Variants in MICALL1 observed in about 807,000 individuals in gnomAD.
MICALL1 encodes the protein MICAL like 1.
Under a neutral mutation model 83.7 loss-of-function variants are expected in MICALL1, and 61 were observed. The observed-to-expected ratio is 0.73, with a 90% CI of 0.59 to 0.90. The LOEUF (loss-of-function observed/expected upper bound fraction) is 0.90, where lower values mean the gene tolerates loss of function less well. Ranked by LOEUF, MICALL1 falls within the 40% of genes least tolerant of loss-of-function variation. MICALL1 has a pLI of 0.00. For synonymous variants in MICALL1, 481 were observed against 473.6 expected, an observed-to-expected ratio of 1.02 and a Z score of -0.20; for missense variants, 1,066 against 1,152.0, an observed-to-expected ratio of 0.93 and a Z score of 1.08.
Position 37,911,937 on chromosome 22 carries a change from C to G in MICALL1, c.147-15C>G. On this transcript the variant is annotated splice_polypyrimidine_tract_variant and intron_variant, in intron 1 of 15. Transcript: ENST00000215957. ...CTCCCCTCTTGACCAACCCTCCTCCCTTTGCCTCTTGCAGAGATTTTGATT... is the reference window on the plus strand; with the variant it reads ...CTCCCCTCTTGACCAACCCTCCTCCGTTTGCCTCTTGCAGAGATTTTGATT... The G allele has an allele frequency of 1.2e-6, 2 of 1,614,192 alleles. No individual in the cohort carries two copies. The highest frequency in any genetic ancestry group is 1.6e-4 in the Middle Eastern group (1 of 6,062).
In MICALL1 at chr22:37,906,562, A is replaced by G; in HGVS notation, c.140A>G (p.Asp47Gly). ...FCAILHRHRP[D>G]LLDFDSLSKD... is the part of the protein sequence containing the mutation. ...GCCATCCTGCACCGGCACCGGCCCG[A>G]CCTGCTGTGAGTGCGGGGCCCCGGG... is the stretch of plus-strand genomic sequence containing the variant. The change falls in exon 1 of 16, where the codon GAC becomes GGC. Residue 47 changes from aspartate (D) to glycine (G), a missense_variant. Coordinates refer to ENST00000215957, the MANE Select transcript of MICALL1 (RefSeq NM_033386.4). The surrounding 1 kb of genome is among the most constrained non-coding windows in gnomAD (Gnocchi z 4.4). 2.6e-6 allele frequency: 3 copies of G among 1,175,066 alleles called. No homozygotes were observed. The South Asian group carries it at 1.2e-4, about 48-fold the overall frequency. 72.8% of individuals were successfully genotyped at this position (1,175,066 alleles called of 1,614,324 possible).
At chr22:37,925,600 G>C in intron 7 of MICALL1, 61 bp from the exon 8 acceptor site, 1 of 1,323,104 alleles carries the variant, frequency 7.6e-7, no homozygotes, top group Admixed American at 2.1e-5. Context: ...ACTGTCTAGA[G>C]AGAGAAGGAA....
At chr22:37,922,601 ATTTTT>A (rs1198282750) in intron 6 of MICALL1, among the ~76,000 whole-genome samples, 175 bp downstream of exon 6, 3 of 31,944 alleles carry the variant, frequency 9.4e-5, no homozygotes, top group African/African-American at 2.1e-4. Context: ...ATATATATAT[ATTTTT>A]TTTTTTTTTT....
In MICALL1 at chr22:37,906,338, C is replaced by G. The variant is rs1023393491; in HGVS notation, c.-85C>G. ...CCGAGCTCGGAGCCGCAGCCGCAGC[C>G]GGAAACCGGGCCCGCGCGGCGGCCG... On this transcript the variant is annotated 5_prime_UTR_variant, in exon 1 of 16. Transcript: ENST00000215957. The surrounding 1 kb of genome is among the most constrained non-coding windows in gnomAD (Gnocchi z 4.4). 1.9e-4 allele frequency: 180 copies of G among 958,370 alleles called. No individual in the cohort carries two copies. Among genetic ancestry groups the G allele is most frequent in the Non-Finnish European group, 2.1e-4 (171 of 803,394 alleles). 59.4% of individuals were successfully genotyped at this position (958,370 alleles called of 1,614,324 possible).
At chr22:37,913,956 A>G (rs1324602623) in intron 3 of MICALL1, among the ~76,000 whole-genome samples, 1 of 149,236 alleles carries the variant, frequency 6.7e-6, no homozygotes, top group Non-Finnish European at 1.5e-5. Context: ...GCTTACTGCA[A>G]CCTCTGCCCT....
At position 37,912,499 on chromosome 22, in the gene MICALL1, G is replaced by T; in HGVS notation, c.337+7G>T. 6.3e-7 allele frequency: 1 copy of T among 1,595,626 alleles called. No homozygotes were observed. The highest frequency in any genetic ancestry group is 8.6e-7 in the Non-Finnish European group (1 of 1,166,712). Reference sequence around the variant, plus strand: ...TTCTGCAGTCCTGGCCAAGGTGAGAGGGGGACTCAGCGTTTCACGGAGGCT... The same window carrying T: ...TTCTGCAGTCCTGGCCAAGGTGAGATGGGGACTCAGCGTTTCACGGAGGCT... On this transcript the variant is annotated splice_region_variant and intron_variant, in intron 3 of 15. Coordinates refer to ENST00000215957, the MANE Select transcript of MICALL1 (RefSeq NM_033386.4).
At chr22:37,908,660 G>C (rs1928119627) in intron 1 of MICALL1, among the ~76,000 whole-genome samples, 1 of 152,092 alleles carries the variant, frequency 6.6e-6, no homozygotes, top group Admixed American at 6.5e-5. Flanking sequence ...ATATTGCTCT[G>C]TGCTGGACAC....
At chr22:37,919,249 G>A in intron 5 of MICALL1, 71 bp downstream of exon 5, 5 of 1,411,536 alleles carry the variant, frequency 3.5e-6, no homozygotes, top group Non-Finnish European at 4.7e-6. Context: ...CACACACAGT[G>A]CGCCAGGCAC....
At chr22:37,926,095 C>G (rs939225149) in intron 8 of MICALL1, 52 bp downstream of exon 8, 3 of 1,525,268 alleles carry the variant, frequency 2.0e-6, no homozygotes, top group African/African-American at 2.8e-5. Flanking sequence ...GGGGTGGGGC[C>G]CGGGCCTGGG....
chr22:37,915,229 GC>G (rs1928602610), intron 3 of MICALL1, among the ~76,000 whole-genome samples: 1 of 152,100 alleles, frequency 6.6e-6, no homozygotes, highest in South Asian at 2.1e-4. Flanking sequence ...TGCAGCCTGG[GC>G]AACAGAGCGA....
chr22:37,938,713 CCAAGTTCA>C (rs1205948349), intron 15 of MICALL1, among the ~76,000 whole-genome samples: 6 of 151,616 alleles, frequency 4.0e-5, no homozygotes, highest in Non-Finnish European at 8.8e-5. Flanking sequence ...CCTCCGCCTC[CCAAGTTCA>C]AGCAATTCTG....
At chr22:37,927,268 C>A in intron 8 of MICALL1, 143 bp from the exon 9 acceptor site, 1 of 1,000,102 alleles carries the variant, frequency 1.0e-6, no homozygotes, top group African/African-American at 1.6e-5. Context: ...GTTTGCTGTT[C>A]CCTGGGCCTT....
At chr22:37,913,530 G>A (rs944062546) in intron 3 of MICALL1, among the ~76,000 whole-genome samples, 7 of 152,230 alleles carry the variant, frequency 4.6e-5, no homozygotes, top group Non-Finnish European at 1.0e-4. Context: ...TGAGGCTGCT[G>A]TGCTGTCTTC....
intron 1 of MICALL1, among the ~76,000 whole-genome samples, chr22:37,910,993 A>G (rs1928284608): frequency 6.6e-6 from 1 of 152,222 alleles, no homozygotes; most frequent in Non-Finnish European, 1.5e-5. Context: ...TTTCAGCCAT[A>G]GAAGGGCAAG....
Position 37,906,602 on chromosome 22 carries a change from G to C in MICALL1, c.146+34G>C. 2 of 1,152,670 alleles carry C rather than the reference G, an allele frequency of 1.7e-6. No homozygotes were observed. The highest frequency in any genetic ancestry group is 9.6e-5 in the Admixed American group (2 of 20,848). 71.4% of individuals were successfully genotyped at this position (1,152,670 alleles called of 1,614,324 possible). On this transcript the variant is annotated intron_variant, in intron 1 of 15. Transcript: ENST00000215957. This position sits in a 1 kb window ranked among gnomAD's most constrained non-coding sequence, Gnocchi z 4.4. ...GGGGCCCCGGGCGAGCGGGCGGCGC[G>C]GGGCGGGCTGGGGCCGCGACCGCCG...
intron 13 of MICALL1, among the ~76,000 whole-genome samples, chr22:37,935,097 T>G (rs1384060843): frequency 6.8e-6 from 1 of 147,720 alleles, no homozygotes; most frequent in African/African-American, 2.5e-5. Flanking sequence ...CCCGCCCGGC[T>G]AATTGTTTGT....
chr22:37,936,388 C>T (rs1462004388), intron 13 of MICALL1, among the ~76,000 whole-genome samples: 1 of 152,220 alleles, frequency 6.6e-6, no homozygotes, highest in African/African-American at 2.4e-5. Flanking sequence ...GCCCCTGCCC[C>T]ACTCTGTCCC....
At chr22:37,907,804 ATG>A (rs1928060624) in intron 1 of MICALL1, among the ~76,000 whole-genome samples, 1 of 152,170 alleles carries the variant, frequency 6.6e-6, no homozygotes, top group Non-Finnish European at 1.5e-5. Flanking sequence ...AGGGAACAAG[ATG>A]AGGTGGTCAT....
rs1927931131 is a variant in MICALL1 at position 37,906,310 on chromosome 22, C to A, written c.-113C>A. ...GCCCCTCCCCTCGCCTGCCGGTCGG[C>A]GCCCGAGCTCGGAGCCGCAGCCGCA... On this transcript the variant is annotated 5_prime_UTR_variant, in exon 1 of 16. Coordinates refer to ENST00000215957, the MANE Select transcript of MICALL1 (RefSeq NM_033386.4). The surrounding 1 kb of genome is among the most constrained non-coding windows in gnomAD (Gnocchi z 4.4). 3 of 801,166 alleles carry A rather than the reference C, an allele frequency of 3.7e-6. No individual in the cohort carries two copies. The highest frequency in any genetic ancestry group is 4.5e-6 in the Non-Finnish European group (3 of 662,540). 49.6% of individuals were successfully genotyped at this position (801,166 alleles called of 1,614,324 possible).
Sources: allele counts gnomAD v4.1 joint callset (sites outside exome capture counted in the v4.1 genomes callset), GRCh38; gene constraint gnomAD v4.1.1; non-coding constraint Gnocchi (gnomAD v3.1); transcripts MANE v1.5; gene names NCBI Gene and HGNC (gene_info 2026-07-23, HGNC 2026-07-21).